The following TFAP4 variants were observed in gnomAD, a reference collection of about 807,000 sequenced individuals.
The protein encoded by TFAP4 is activating enhancer-binding protein 4.
A neutral mutation model predicts 40.4 loss-of-function variants in TFAP4; 7 were observed. The observed-to-expected ratio is 0.17, with a 90% CI of 0.10 to 0.33. The LOEUF (loss-of-function observed/expected upper bound fraction) is 0.33. TFAP4 is among the 10% of genes least tolerant of loss of function. TFAP4 has a pLI of 1.00. For synonymous variants in TFAP4, 218 were observed against 181.4 expected (o/e 1.20, Z -1.62); for missense variants, 374 against 451.1 (o/e 0.83, Z 1.55).
chr16:4,261,773 C>A lies in TFAP4; in HGVS notation c.525+6G>T. 1 of 1,599,706 alleles carries A rather than the reference C, an allele frequency of 6.3e-7. No individual in the cohort carries two copies. Among genetic ancestry groups the A allele is most frequent in the Non-Finnish European group, 8.5e-7 (1 of 1,174,442 alleles). On this transcript the variant is annotated splice_donor_region_variant and intron_variant, in intron 4 of 6. Coordinates refer to ENST00000204517, the MANE Select transcript of TFAP4 (RefSeq NM_003223.3). ...GCGCCGTGCCCAGCAGAGGGCGCTG[C>A]CTCACCTGCTCCTCCAGCATCATGC...
At chr16:4,259,130 T>G (rs751176240) in intron 6 of TFAP4, among the ~76,000 whole-genome samples, 1 of 151,970 alleles carries the variant, frequency 6.6e-6, no homozygotes, top group Non-Finnish European at 1.5e-5. Flanking sequence ...ACCTTTCATA[T>G]GTTTTTGTTT....
chr16:4,262,687 G>A lies in TFAP4; in HGVS notation c.104C>T (p.Pro35Leu). The change falls in exon 2 of 7, where the codon CCA becomes CTA. Residue 35 changes from proline to leucine, a missense_variant. Physicochemically the swap from Pro to Leu is moderately conservative, Grantham distance 98. Around this residue, in one of 6 missense-constraint regions of TFAP4, gnomAD observed 51 missense variants for 59.3 expected, o/e 0.86. Transcript: ENST00000204517. ...GTCCCGCTGAGTCTCGGGGGTTAGT[G>A]GAATGTTGGCAAGGCTGCCAGAGAG... ...IGGLCSLANI[P>L]LTPETQRDQE... The A allele has an allele frequency of 6.2e-7, 1 of 1,609,054 alleles. No individual in the cohort carries two copies. Among genetic ancestry groups the A allele is most frequent in the Non-Finnish European group, 8.5e-7 (1 of 1,179,950 alleles).
intron 6 of TFAP4, chr16:4,258,703 AC>A (rs2052919460): frequency 6.5e-6 from 1 of 154,408 alleles, no homozygotes; most frequent in Non-Finnish European, 1.4e-5. Flanking sequence ...GGCATAAGCC[AC>A]CACGCCTGAC....
At chr16:4,271,932 G>T (rs554250807) in intron 1 of TFAP4, among the ~76,000 whole-genome samples, 2 of 152,310 alleles carry the variant, frequency 1.3e-5, no homozygotes, top group South Asian at 4.1e-4. Flanking sequence ...CTCCCGCGAG[G>T]CCGCGCGCAG....
At chr16:4,267,608 C>G (rs1212430145) in intron 1 of TFAP4, among the ~76,000 whole-genome samples, 1 of 152,182 alleles carries the variant, frequency 6.6e-6, no homozygotes, top group African/African-American at 2.4e-5. Context: ...CTGCCCAGGC[C>G]AAAGTCAAGT....
In TFAP4 at chr16:4,260,571, A is replaced by T. The variant is rs1261792628; in HGVS notation, c.550T>A (p.Tyr184Asn). ...GCAATCACCTTGAGCTTTTCCGGGT[A>T]CATGTGGGCCTCCAGCGAGCGCACC... Reference protein sequence around the residue: ...EQVRSLEAHMYPEKLKVIAQQ... With the variant: ...EQVRSLEAHMNPEKLKVIAQQ... Residue 184 changes from tyrosine to asparagine, a missense_variant, in exon 5 of 7, where the codon TAC becomes AAC. Tyr to Asn is a moderately radical substitution (Grantham distance 143). This residue lies in a region of TFAP4 where 161 missense variants were observed against 154.2 expected (regional missense o/e 1.04). Transcript: ENST00000204517. 6.2e-7 allele frequency: 1 copy of T among 1,609,620 alleles called. No homozygotes were observed. The highest frequency in any genetic ancestry group is 1.7e-5 in the Admixed American group (1 of 59,400).
intron 6 of TFAP4, chr16:4,258,928 A>C (rs2052921921): frequency 6.6e-6 from 1 of 151,924 alleles, no homozygotes. Flanking sequence ...AAGCCTACTA[A>C]AAATACAAAA....
In TFAP4 at chr16:4,258,254, A is replaced by C. The variant is rs746519936; in HGVS notation, c.823-5T>G. 155 of 1,572,974 alleles carry C rather than the reference A, an allele frequency of 9.9e-5. 1 individual carries two copies. The highest frequency in any genetic ancestry group is 2.4e-4 in the South Asian group (21 of 85,986). ...GCCCTCGATGTGCTGGATTGCCTGG[A>C]CAGGGACGAACCACTGAGAAGGCTC... On this transcript the variant is annotated splice_region_variant and splice_polypyrimidine_tract_variant and intron_variant, in intron 6 of 6. Transcript: ENST00000204517.
In TFAP4 at chr16:4,262,593, C is replaced by G. The variant is rs752470093; in HGVS notation, c.198G>C (p.Ala66=). The G allele has an allele frequency of 6.2e-7, 1 of 1,612,308 alleles. No individual in the cohort carries two copies. Among genetic ancestry groups the G allele is most frequent in the South Asian group, 1.1e-5 (1 of 91,074 alleles). Residue 66 remains alanine, a synonymous_variant, in exon 2 of 7, where the codon GCG becomes GCC. Coordinates refer to ENST00000204517, the MANE Select transcript of TFAP4 (RefSeq NM_003223.3). ...NERRRMQSIN[A]GFQSLKTLIP... ...TGAGGGTCTTGAGGGACTGGAATCCCGCGTTGATGCTCTGCATGCGTCTCC... is the reference window on the plus strand; with the variant it reads ...TGAGGGTCTTGAGGGACTGGAATCCGGCGTTGATGCTCTGCATGCGTCTCC...
At chr16:4,262,836 G>C (rs2052960785) in intron 1 of TFAP4, 135 bp from the exon 2 acceptor site, 1 of 1,002,728 alleles carries the variant, frequency 1.0e-6, no homozygotes, top group Admixed American at 2.4e-5. Context: ...ATGGAGGGGT[G>C]CTCTCTGGGA....
rs550299245 is a variant in TFAP4, at chr16:4,260,898, G to GT, written c.526-304dup. Among the ~76,000 whole-genome samples, 200 of 152,346 alleles carry GT rather than the reference G, an allele frequency of 1.3e-3. 1 individual carries two copies. The highest frequency in any genetic ancestry group is 4.1e-3 in the South Asian group (20 of 4,834). ...AACTTCCCACTTCCATGGAGATGCC[G>GT]TGGGGCGTCCCTTGAAAAACCCCTC... On this transcript the variant is annotated intron_variant, in intron 4 of 6. Coordinates refer to ENST00000204517, the MANE Select transcript of TFAP4 (RefSeq NM_003223.3).
chr16:4,263,725 G>A (rs1246575272), intron 1 of TFAP4: 2 of 152,684 alleles, frequency 1.3e-5, no homozygotes, highest in Admixed American at 6.5e-5. Context: ...GACCCTTGCA[G>A]GAGCAGTGGC....
intron 1 of TFAP4, chr16:4,266,126 C>T (rs1216273926): frequency 6.6e-6 from 1 of 152,334 alleles, no homozygotes; most frequent in Non-Finnish European, 1.5e-5. Flanking sequence ...AACTGGGAGA[C>T]CAAAGGAGAC....
intron 4 of TFAP4, among the ~76,000 whole-genome samples, chr16:4,261,009 C>T (rs555345764): frequency 3.3e-5 from 5 of 152,308 alleles, no homozygotes; most frequent in South Asian, 4.1e-4. Flanking sequence ...CCTTCTGTCA[C>T]TCAGGCTGCA....
rs1021897491 is a variant in TFAP4, at chr16:4,258,224, T to G, written c.848A>C (p.Gln283Pro). ...VQAIQHIEGT[Q>P]EKQELEEEQR... ...CTCCTCCTCCAGCTCCTGCTTTTCCTGGGTGCCCTCGATGTGCTGGATTGC... is the reference window on the plus strand; with the variant it reads ...CTCCTCCTCCAGCTCCTGCTTTTCCGGGGTGCCCTCGATGTGCTGGATTGC... The change falls in exon 7 of 7, where the codon CAG becomes CCG. Residue 283 changes from glutamine (Q) to proline (P), a missense_variant. Physicochemically the swap from Gln to Pro is moderately conservative, Grantham distance 76. This residue lies in a region of TFAP4 where 93 missense variants were observed against 79.2 expected (regional missense o/e 1.17). Transcript: ENST00000204517. 3 of 1,605,664 alleles carry G rather than the reference T, an allele frequency of 1.9e-6. No homozygotes were observed. In the South Asian group the frequency reaches 3.3e-5, roughly 18 times the overall value.
At position 4,260,700 on chromosome 16, in the gene TFAP4, C is replaced by T. The variant is rs74003266; in HGVS notation, c.526-105G>A. 3,706 of 1,360,114 alleles carry T rather than the reference C, an allele frequency of 2.7e-3. 98 individuals are homozygous for T. The African/African-American group carries it at 0.049, about 18-fold the overall frequency. 84.3% of individuals were successfully genotyped at this position (1,360,114 alleles called of 1,614,324 possible). A position where few individuals can be genotyped will look rare whatever the true frequency, so the allele number is the denominator to read the frequency against. ...TCCTGCTGAAAACCCTAGCACAGGG[C>T]GGGCCCCTCTCAACAGAGGCCAGAA... On this transcript the variant is annotated intron_variant, in intron 4 of 6. Coordinates refer to ENST00000204517, the MANE Select transcript of TFAP4 (RefSeq NM_003223.3).
At chr16:4,262,495 C>T (rs554017911) in intron 2 of TFAP4, 41 bp downstream of exon 2, 1 of 1,613,156 alleles carries the variant, frequency 6.2e-7, no homozygotes, top group Non-Finnish European at 8.5e-7. Flanking sequence ...CCAGCGGGAA[C>T]CTGCCGGCTC....
chr16:4,259,256 C>T (rs979595492), intron 6 of TFAP4, among the ~76,000 whole-genome samples: 1 of 151,864 alleles, frequency 6.6e-6, no homozygotes, highest in African/African-American at 2.4e-5. Flanking sequence ...GCCTCAGCCT[C>T]CCGAATAGCT....
In TFAP4 at chr16:4,257,841, G is replaced by T; in HGVS notation, c.*214C>A. ...CGAGGCCCCGCCCTGGGGTGCCGAT[G>T]CTCCCACACGCTCTGCGACACCCCA... On this transcript the variant is annotated 3_prime_UTR_variant, in exon 7 of 7. Coordinates refer to ENST00000204517, the MANE Select transcript of TFAP4 (RefSeq NM_003223.3). 3 of 477,554 alleles carry T rather than the reference G, an allele frequency of 6.3e-6. No homozygotes were observed. The highest frequency in any genetic ancestry group is 7.3e-6 in the Non-Finnish European group (2 of 274,466). 29.6% of individuals were successfully genotyped at this position (477,554 alleles called of 1,614,324 possible).
Sources: gnomAD v4.1 joint callset for allele counts (sites outside exome capture counted in the v4.1 genomes callset) on GRCh38, gnomAD v4.1.1 for gene constraint, gnomAD v4.1.1 regional missense constraint, MANE v1.5 for transcripts, NCBI Gene and HGNC (gene_info 2026-07-23, HGNC 2026-07-21) for gene names.